The following PMEPA1 variants were observed in gnomAD, a reference collection of about 807,000 sequenced individuals.
PMEPA1 encodes the protein prostate transmembrane protein, androgen induced 1.
In PMEPA1, 11 loss-of-function variants were observed where a neutral mutation model predicts 23.0. That is an observed-to-expected ratio of 0.48 (90% CI 0.30 to 0.79). The LOEUF is 0.79. PMEPA1 is among the 30% of genes least tolerant of loss of function. The pLI, the probability that PMEPA1 is intolerant of heterozygous loss-of-function variation, is 0.06. For synonymous variants in PMEPA1, 204 were observed against 166.4 expected (o/e 1.23, Z -1.74); for missense variants, 377 against 390.9 (o/e 0.96, Z 0.30).
At chr20:57,659,042 T>C (rs1049006109) in intron 2 of PMEPA1, among the ~76,000 whole-genome samples, 6 of 152,178 alleles carry the variant, frequency 3.9e-5, no homozygotes, top group Non-Finnish European at 8.8e-5. Flanking sequence ...TCGAGAGATG[T>C]GGGTCAAGAC....
At chr20:57,666,399 G>A (rs1360669356) in intron 1 of PMEPA1, among the ~76,000 whole-genome samples, 1 of 152,114 alleles carries the variant, frequency 6.6e-6, no homozygotes, top group African/African-American at 2.4e-5. Context: ...CATTCTGTGA[G>A]GTCCGTACTT....
chr20:57,685,731 G>A (rs116876007), intron 1 of PMEPA1, among the ~76,000 whole-genome samples: 2,049 of 152,266 alleles, frequency 0.013, 29 homozygotes, highest in Non-Finnish European at 0.018. Context: ...CTTGTTCTGG[G>A]AAGGCGCCTG....
At chr20:57,702,212 C>T (rs2072020771) in intron 1 of PMEPA1, among the ~76,000 whole-genome samples, 2 of 152,184 alleles carry the variant, frequency 1.3e-5, no homozygotes, top group African/African-American at 4.8e-5. Flanking sequence ...AGGTGTGTGG[C>T]AGATGGTGCT....
At position 57,684,030 on chromosome 20, in the gene PMEPA1, G is replaced by A. The variant is rs533784241; in HGVS notation, c.110-24333C>T. On this transcript the variant is annotated intron_variant, in intron 1 of 3. Transcript: ENST00000341744. ...CCCACCACGCCCCACCCCCGGCTCC[G>A]CAACACCGCAGTCAAGTAGGCTGAT... Among the ~76,000 whole-genome samples, 78 of 152,206 alleles carry A rather than the reference G, an allele frequency of 5.1e-4. 1 individual carries two copies. Among genetic ancestry groups the A allele is most frequent in the East Asian group, 2.1e-3 (11 of 5,176 alleles).
At position 57,683,554 on chromosome 20, in the gene PMEPA1, CGTGT is replaced by C. The variant is rs11467205; in HGVS notation, c.110-23861_110-23858del. On this transcript the variant is annotated intron_variant, in intron 1 of 3. Transcript: ENST00000341744. This position sits in a 1 kb window ranked among gnomAD's most constrained non-coding sequence, Gnocchi z 4.3. The stretch of plus-strand genomic sequence containing the variant: ...CGGTGGTGGTGTTCTGGCCTGTGTG[CGTGT>C]GTGTGTGTGTGTGTGTGTGTGTGTG... Among the ~76,000 whole-genome samples, 17 of 106,408 alleles carry C rather than the reference CGTGT, an allele frequency of 1.6e-4. 1 individual carries two copies. In the Middle Eastern group the frequency reaches 0.015, roughly 92 times the overall value. 69.8% of individuals were successfully genotyped at this position (106,408 alleles called of 152,430 possible). A position where few individuals can be genotyped will look rare whatever the true frequency, so the allele number is the denominator to read the frequency against.
In PMEPA1 at chr20:57,709,625, G is replaced by A. The variant is rs2072140077; in HGVS notation, c.-43C>T. On this transcript the variant is annotated 5_prime_UTR_variant, in exon 1 of 4. Coordinates refer to ENST00000341744, the MANE Select transcript of PMEPA1 (RefSeq NM_020182.5). ...GGCGCGGGGCGCGGGGGGCTCGGGG[G>A]CGGCCGGGGGGGGCTCCGGCCGGCG... 59 of 972,712 alleles carry A rather than the reference G, an allele frequency of 6.1e-5. No homozygotes were observed. The highest frequency in any genetic ancestry group is 7.1e-5 in the Non-Finnish European group (58 of 814,292). The allele number at this position is 972,712 out of a possible 1,614,324, so 60.3% of individuals were successfully genotyped here.
At chr20:57,710,101 C>T, upstream of PMEPA1, 2 of 897,202 alleles carry the variant, frequency 2.2e-6, no homozygotes, top group Non-Finnish European at 1.4e-6. Context: ...CGAGGTTCCC[C>T]CGCACCCCCT....
At chr20:57,668,847 T>C (rs1012858199) in intron 1 of PMEPA1, among the ~76,000 whole-genome samples, 1 of 152,222 alleles carries the variant, frequency 6.6e-6, no homozygotes, top group Non-Finnish European at 1.5e-5. Context: ...TTTTCCTCAA[T>C]ATCTTCATGG....
intron 1 of PMEPA1, among the ~76,000 whole-genome samples, chr20:57,679,778 G>A (rs117578445): frequency 6.6e-6 from 1 of 152,196 alleles, no homozygotes; most frequent in Non-Finnish European, 1.5e-5. Context: ...AATTGTAAAC[G>A]ACCCAGGGGA....
chr20:57,690,056 G>C (rs1029936520), intron 1 of PMEPA1, among the ~76,000 whole-genome samples: 1 of 152,228 alleles, frequency 6.6e-6, no homozygotes, highest in Non-Finnish European at 1.5e-5. Context: ...AGGAACTGTC[G>C]GTGTCACCCC....
At position 57,652,623 on chromosome 20, in the gene PMEPA1, G is replaced by A. The variant is rs1378764711; in HGVS notation, c.319-25C>T. The A allele has an allele frequency of 1.4e-6, 2 of 1,445,728 alleles. No individual in the cohort carries two copies. The highest frequency in any genetic ancestry group is 1.8e-6 in the Non-Finnish European group (2 of 1,101,128). 89.6% of individuals were successfully genotyped at this position (1,445,728 alleles called of 1,614,324 possible). The stretch of plus-strand genomic sequence containing the variant: ...GCTGGAGGAAGCAGAGCGGGAGTGA[G>A]GGAGGGCGGCTGTCTCAGGTGGGTT... On this transcript the variant is annotated intron_variant, in intron 3 of 3. Coordinates refer to ENST00000341744, the MANE Select transcript of PMEPA1 (RefSeq NM_020182.5). The surrounding 1 kb of genome is among the most constrained non-coding windows in gnomAD (Gnocchi z 6.1).
At chr20:57,687,836 C>T (rs922130101) in intron 1 of PMEPA1, among the ~76,000 whole-genome samples, 3 of 152,188 alleles carry the variant, frequency 2.0e-5, no homozygotes, top group African/African-American at 2.4e-5. Flanking sequence ...CAAGCTGACC[C>T]AAGCTTGCCC....
chr20:57,674,340 C>A (rs2071608164), intron 1 of PMEPA1, among the ~76,000 whole-genome samples: 1 of 152,252 alleles, frequency 6.6e-6, no homozygotes, highest in Non-Finnish European at 1.5e-5. Context: ...CTACAAGCCA[C>A]AAAGCAGTTC....
Position 57,652,038 on chromosome 20 carries a change from G to A in PMEPA1, c.*15C>T. The A allele has an allele frequency of 6.9e-7, 1 of 1,459,056 alleles. No homozygotes were observed. The highest frequency in any genetic ancestry group is 9.1e-7 in the Non-Finnish European group (1 of 1,101,388). The allele number at this position is 1,459,056 out of a possible 1,614,324, so 90.4% of individuals were successfully genotyped here. A position where few individuals can be genotyped will look rare whatever the true frequency, so the allele number is the denominator to read the frequency against. Reference sequence around the variant, plus strand: ...TTTTCACCTACGCAGCCCCAGCCCGGCCCCCCTGGGGACCCTAGAGAGGGT... The same window carrying A: ...TTTTCACCTACGCAGCCCCAGCCCGACCCCCCTGGGGACCCTAGAGAGGGT... On this transcript the variant is annotated 3_prime_UTR_variant, in exon 4 of 4. Transcript: ENST00000341744. The surrounding 1 kb of genome is among the most constrained non-coding windows in gnomAD (Gnocchi z 6.1).
At chr20:57,657,541 G>C (rs553660086) in intron 2 of PMEPA1, among the ~76,000 whole-genome samples, 1 of 152,210 alleles carries the variant, frequency 6.6e-6, no homozygotes, top group Non-Finnish European at 1.5e-5. Context: ...TAAACACGTC[G>C]GGGCTTGAGA....
At chr20:57,674,263 T>C (rs2071606696) in intron 1 of PMEPA1, among the ~76,000 whole-genome samples, 1 of 151,770 alleles carries the variant, frequency 6.6e-6, no homozygotes, top group Admixed American at 6.6e-5. Context: ...GCTCATTCTC[T>C]CCCCCCTCCT....
At chr20:57,698,415 C>T (rs2071969622) in intron 1 of PMEPA1, among the ~76,000 whole-genome samples, 1 of 152,110 alleles carries the variant, frequency 6.6e-6, no homozygotes, top group African/African-American at 2.4e-5. Flanking sequence ...CCTGGCTCAC[C>T]GTGATGGCAT....
chr20:57,679,441 A>C (rs1315418773), intron 1 of PMEPA1, among the ~76,000 whole-genome samples: 1 of 152,176 alleles, frequency 6.6e-6, no homozygotes, highest in African/African-American at 2.4e-5. Flanking sequence ...TTCAGGTATC[A>C]TTTTCCAGTG....
At chr20:57,710,796 C>T (rs1445645936), upstream of PMEPA1, 1 of 318,044 alleles carries the variant, frequency 3.1e-6, no homozygotes, top group Non-Finnish European at 5.7e-6. Context: ...TACAGGAGTG[C>T]TACAAGAACA....
Sources: gnomAD v4.1 joint callset for allele counts (sites outside exome capture counted in the v4.1 genomes callset) on GRCh38, gnomAD v4.1.1 for gene constraint, Gnocchi (gnomAD v3.1) non-coding constraint, MANE v1.5 for transcripts, NCBI Gene and HGNC (gene_info 2026-07-23, HGNC 2026-07-21) for gene names.